Variants in MAEA observed in about 807,000 individuals in gnomAD.
The protein encoded by MAEA is macrophage erythroblast attacher, E3 ubiquitin ligase, also known as E3 ubiquitin-protein transferase MAEA.
Under a neutral mutation model 46.2 loss-of-function variants are expected in MAEA, and 22 were observed. The observed-to-expected ratio is 0.48, with a 90% CI of 0.34 to 0.68. The LOEUF (loss-of-function observed/expected upper bound fraction) is 0.68, where lower values mean the gene tolerates loss of function less well. MAEA is among the 30% of genes least tolerant of loss of function. MAEA has a pLI of 0.01. For missense variants in MAEA, 393 were observed against 558.1 expected, an observed-to-expected ratio of 0.70 and a Z score of 2.98; for synonymous variants, 246 against 222.6, an observed-to-expected ratio of 1.11 and a Z score of -0.94.
chr4:1,299,064 A>G (rs892588531), intron 1 of MAEA, among the ~76,000 whole-genome samples: 74 of 151,910 alleles, frequency 4.9e-4, no homozygotes, highest in African/African-American at 1.6e-3. Flanking sequence ...TTATTTGTAG[A>G]GATAGGTTCT....
intron 7 of MAEA, chr4:1,338,045 G>A (rs1055945072): frequency 5.5e-5 from 12 of 217,250 alleles, no homozygotes; most frequent in African/African-American, 2.7e-4. Flanking sequence ...AACTCTGGGC[G>A]AGAGGGCTGG....
rs373794070 is a variant in MAEA, at chr4:1,325,062, G to A, written c.579+2559G>A. Among the ~76,000 whole-genome samples the A allele has an allele frequency of 9.9e-5, 15 of 152,276 alleles. No homozygotes were observed. The East Asian group carries it at 2.7e-3, about 27-fold the overall frequency. On this transcript the variant is annotated intron_variant, in intron 4 of 8. Coordinates refer to ENST00000303400, the MANE Select transcript of MAEA (RefSeq NM_001017405.3). The stretch of plus-strand genomic sequence containing the variant: ...AACATGCCCGGTACGAGATGCGGCC[G>A]AGCCAGTTGGGGTACACGGCTGTCT...
At chr4:1,293,435 C>T (rs1734312451) in intron 1 of MAEA, among the ~76,000 whole-genome samples, 1 of 152,054 alleles carries the variant, frequency 6.6e-6, no homozygotes, top group Non-Finnish European at 1.5e-5. Context: ...TTCAAGTTAC[C>T]CTGCTGCACA....
intron 1 of MAEA, among the ~76,000 whole-genome samples, chr4:1,310,616 C>G (rs1736371318): frequency 1.1e-4 from 16 of 152,256 alleles, no homozygotes. Context: ...TGCTCGGTAG[C>G]AGACGGTGAT....
chr4:1,335,000 T>C (rs1384287710), intron 6 of MAEA: 12 of 985,330 alleles, frequency 1.2e-5, no homozygotes, highest in Middle Eastern at 5.2e-4. Context: ...TGACGTCCCC[T>C]GATGACCACC....
At chr4:1,326,992 T>C (rs1042849134) in intron 4 of MAEA, among the ~76,000 whole-genome samples, 46 of 151,884 alleles carry the variant, frequency 3.0e-4, no homozygotes, top group Non-Finnish European at 6.0e-4. Context: ...CCCTGTCTCC[T>C]CCCCGCCCTG....
intron 4 of MAEA, among the ~76,000 whole-genome samples, chr4:1,327,261 T>C (rs1020544394): frequency 6.6e-6 from 1 of 152,176 alleles, no homozygotes; most frequent in Non-Finnish European, 1.5e-5. Context: ...GGAAGCTGCT[T>C]TGTCCTTGCA....
intron 4 of MAEA, among the ~76,000 whole-genome samples, chr4:1,322,958 T>C (rs1201611914): frequency 1.4e-5 from 2 of 141,838 alleles, no homozygotes; most frequent in Admixed American, 1.4e-4. Context: ...TTTTTTTTTT[T>C]TTTTTTTTTT....
rs1031903084 is a variant in MAEA at position 1,339,276 on chromosome 4, G to A, written c.*107G>A. The A allele has an allele frequency of 2.7e-5, 21 of 779,350 alleles. No individual in the cohort carries two copies. The Admixed American group carries it at 3.0e-4, about 11-fold the overall frequency. 48.3% of individuals were successfully genotyped at this position (779,350 alleles called of 1,614,324 possible). On this transcript the variant is annotated 3_prime_UTR_variant, in exon 9 of 9. Coordinates refer to ENST00000303400, the MANE Select transcript of MAEA (RefSeq NM_001017405.3). ...GCCTGCCGCGGCGTTTCTGTTTCTT[G>A]CGACCAAAGATCCGTGAGCAACGAT...
At chr4:1,309,411 C>A in intron 1 of MAEA, 1 of 1,271,898 alleles carries the variant, frequency 7.9e-7, no homozygotes, top group Non-Finnish European at 9.9e-7. Context: ...GTGCTGAGTC[C>A]CCCGGAAGAG....
At chr4:1,330,655 T>A (rs1043832899) in intron 5 of MAEA, 1 of 152,192 alleles carries the variant, frequency 6.6e-6, no homozygotes, top group African/African-American at 2.4e-5. Context: ...AGTTTTTGTG[T>A]TTCTTATGTT....
At chr4:1,293,699 T>TG (rs1318215430) in intron 1 of MAEA, among the ~76,000 whole-genome samples, 1 of 152,190 alleles carries the variant, frequency 6.6e-6, no homozygotes, top group Non-Finnish European at 1.5e-5. Flanking sequence ...AAGGTGGTGA[T>TG]GCTGTCCTCT....
chr4:1,310,902 C>T (rs934839133), intron 1 of MAEA, among the ~76,000 whole-genome samples: 1 of 152,250 alleles, frequency 6.6e-6, no homozygotes, highest in Non-Finnish European at 1.5e-5. Flanking sequence ...GTCTCTGTTG[C>T]CCTGGCTGTC....
chr4:1,317,869 G>A (rs2108937008), intron 3 of MAEA, among the ~76,000 whole-genome samples: 1 of 152,324 alleles, frequency 6.6e-6, no homozygotes, highest in East Asian at 1.9e-4. Context: ...AGCCACTCCA[G>A]TGTGCACCCA....
chr4:1,317,982 C>T (rs571712109), intron 3 of MAEA, among the ~76,000 whole-genome samples: 1 of 152,316 alleles, frequency 6.6e-6, no homozygotes, highest in African/African-American at 2.4e-5. Flanking sequence ...ACCTGGGTGT[C>T]AGGGAAGGGC....
In MAEA at chr4:1,298,661, G is replaced by A. The variant is rs369296454; in HGVS notation, c.69+8679G>A. Among the ~76,000 whole-genome samples the A allele has an allele frequency of 1.2e-4, 19 of 152,218 alleles. 1 individual carries two copies. In the South Asian group the frequency reaches 1.5e-3, roughly 12 times the overall value. On this transcript the variant is annotated intron_variant, in intron 1 of 8. Transcript: ENST00000303400. ...GCTCACCCCCTCGGGCTCCTAGAGC[G>A]CCATCCTCGCGTTTCCCCCCGGGCT...
chr4:1,296,437 C>T (rs1404114821), intron 1 of MAEA, among the ~76,000 whole-genome samples: 2 of 124,314 alleles, frequency 1.6e-5, no homozygotes, highest in Non-Finnish European at 3.4e-5. Flanking sequence ...CATGCCTGTG[C>T]CGTTCCTCAC....
intron 1 of MAEA, among the ~76,000 whole-genome samples, chr4:1,308,534 C>T (rs1423501217): frequency 6.6e-6 from 1 of 152,244 alleles, no homozygotes; most frequent in African/African-American, 2.4e-5. Flanking sequence ...CGGGCACGTT[C>T]CCTGGCACTG....
chr4:1,327,632 C>T lies in MAEA; in HGVS notation c.585C>T (p.Cys195=). ...CGTCTTGTCTTTGCCCTCAGAGCTG[C>T]CTGGAGTTCAGCCTCAGAATCCAGG... ...NKSRLRKMKS[C]LEFSLRIQEF... is the part of the protein sequence containing the mutation. The change falls in exon 5 of 9, where the codon TGC becomes TGT. Residue 195 remains cysteine, a synonymous_variant. Transcript: ENST00000303400. 6.2e-7 allele frequency: 1 copy of T among 1,613,776 alleles called. No individual in the cohort carries two copies. The highest frequency in any genetic ancestry group is 8.5e-7 in the Non-Finnish European group (1 of 1,179,858).
Sources: allele counts gnomAD v4.1 joint callset (sites outside exome capture counted in the v4.1 genomes callset), GRCh38; gene constraint gnomAD v4.1.1; transcripts MANE v1.5; gene names NCBI Gene and HGNC (gene_info 2026-07-23, HGNC 2026-07-21).